EYS: variants seen among roughly 807,000 people sequenced by gnomAD.
EYS encodes the protein EGF-like photoreceptor maintenance factor, also known as protein eyes shut homolog.
EYS carries 250 observed loss-of-function variants against 282.1 expected under a neutral mutation model. The observed-to-expected ratio is 0.89, with a 90% confidence interval of 0.80 to 0.98. The LOEUF is 0.98. Ranked by LOEUF, EYS falls within the 50% of genes least tolerant of loss-of-function variation. The pLI, the probability that EYS is intolerant of heterozygous loss-of-function variation, is 0.00. For missense variants in EYS, 4,016 were observed against 3,709.0 expected (o/e 1.08, Z -2.15); for synonymous variants, 1,355 against 1,282.9 (o/e 1.06, Z -1.20).
In EYS at chr6:64,245,473, C is replaced by A. The variant is rs191641853; in HGVS notation, c.6192-14649G>T. On this transcript the variant is annotated intron_variant, in intron 30 of 42. Transcript: ENST00000503581. Reference sequence around the variant, plus strand: ...GGTATTACAGTTGTGAGCCACTGCACCTGGCTTATACTCCGTTTTTATGGC... The same window carrying A: ...GGTATTACAGTTGTGAGCCACTGCAACTGGCTTATACTCCGTTTTTATGGC... Among the ~76,000 whole-genome samples, 98 of 149,578 alleles carry A rather than the reference C, an allele frequency of 6.6e-4. No individual in the cohort carries two copies. The South Asian group carries it at 0.011, about 16-fold the overall frequency.
intron 33 of EYS, among the ~76,000 whole-genome samples, chr6:64,037,672 A>G (rs992960698): frequency 6.6e-6 from 1 of 152,346 alleles, no homozygotes. Context: ...TTAGTAAACT[A>G]TGAAACAATG....
intron 2 of EYS, among the ~76,000 whole-genome samples, chr6:65,621,993 A>G (rs11967762): frequency 4.6e-4 from 70 of 152,286 alleles, no homozygotes; most frequent in African/African-American, 1.7e-3. Context: ...AAAATAATAA[A>G]ACTAAACAAA....
chr6:64,887,257 A>G (rs1014799828), intron 18 of EYS, among the ~76,000 whole-genome samples: 39 of 128,250 alleles, frequency 3.0e-4, no homozygotes, highest in Admixed American at 3.6e-4. Flanking sequence ...AGGAAGGGGA[A>G]CATCACACAC....
chr6:63,838,797 C>T (rs568763161), intron 36 of EYS, among the ~76,000 whole-genome samples: 1 of 152,256 alleles, frequency 6.6e-6, no homozygotes, highest in East Asian at 1.9e-4. Flanking sequence ...TCTTCTCAGT[C>T]TCCCTTTCTT....
intron 5 of EYS, among the ~76,000 whole-genome samples, chr6:65,438,865 C>T (rs532926021): frequency 2.6e-5 from 4 of 152,242 alleles, no homozygotes; most frequent in South Asian, 2.1e-4. Context: ...TTAATTAGAT[C>T]CCATTTGTCA....
chr6:63,916,855 A>G (rs1764435828), intron 35 of EYS, among the ~76,000 whole-genome samples: 2 of 152,202 alleles, frequency 1.3e-5, no homozygotes, highest in Non-Finnish European at 2.9e-5. Context: ...CGATGGAGAA[A>G]AGCAGCAATG....
chr6:64,222,261 A>G (rs1393194063), intron 31 of EYS, among the ~76,000 whole-genome samples: 3 of 151,682 alleles, frequency 2.0e-5, no homozygotes, highest in Non-Finnish European at 4.4e-5. Flanking sequence ...ATTTACAAGT[A>G]AGGGCATGAT....
chr6:64,201,127 G>C (rs1263072198), intron 31 of EYS, among the ~76,000 whole-genome samples: 1 of 152,060 alleles, frequency 6.6e-6, no homozygotes, highest in African/African-American at 2.4e-5. Flanking sequence ...AGATGAAGGA[G>C]AGTTGACATA....
At chr6:64,050,047 AAGAAAGTCACAGTACTTCTC>A (rs1770756226) in intron 33 of EYS, among the ~76,000 whole-genome samples, 1 of 152,160 alleles carries the variant, frequency 6.6e-6, no homozygotes, top group Admixed American at 6.6e-5. Context: ...TATTAGGGGA[AAGAAAGTCACAGTACTTCTC>A]AGATTTGGTA....
intron 31 of EYS, among the ~76,000 whole-genome samples, chr6:64,120,395 T>A (rs1399922829): frequency 6.7e-6 from 1 of 148,430 alleles, no homozygotes; most frequent in Non-Finnish European, 1.5e-5. Context: ...AAAACTTATA[T>A]CTTTTTAGAT....
intron 31 of EYS, among the ~76,000 whole-genome samples, chr6:64,088,607 C>T (rs1302891166): frequency 6.6e-6 from 1 of 151,860 alleles, no homozygotes; most frequent in Admixed American, 6.6e-5. Flanking sequence ...TTTGAAATAA[C>T]TTATGCTAAA....
chr6:64,106,525 C>T (rs112300898), intron 31 of EYS, among the ~76,000 whole-genome samples: 6,415 of 152,080 alleles, frequency 0.042, 400 homozygotes, highest in African/African-American at 0.14. Context: ...CAATTCTTTG[C>T]TCTTCTATAG....
intron 29 of EYS, among the ~76,000 whole-genome samples, chr6:64,356,330 G>A (rs921379296): frequency 2.0e-5 from 3 of 151,468 alleles, no homozygotes; most frequent in Non-Finnish European, 4.4e-5. Flanking sequence ...ACAGTATTGG[G>A]AAAACTGGCT....
At chr6:65,175,398 A>T (rs1765201400) in intron 12 of EYS, among the ~76,000 whole-genome samples, 1 of 151,402 alleles carries the variant, frequency 6.6e-6, no homozygotes, top group South Asian at 2.1e-4. Context: ...TATCCAAGGT[A>T]AATAATGAAG....
chr6:65,693,611 G>A lies in EYS; in HGVS notation c.-448+13524C>T, dbSNP rs188842627. Among the ~76,000 whole-genome samples the A allele has an allele frequency of 1.3e-3, 189 of 149,874 alleles. 7 individuals carry two copies. The highest frequency in any genetic ancestry group is 3.4e-3 in the Middle Eastern group (1 of 292). The stretch of plus-strand genomic sequence containing the variant: ...GTCACTAGTCTGATATTTAATATTA[G>A]AGAAGTATTAAGATTTGGAAAATTA... On this transcript the variant is annotated intron_variant, in intron 1 of 42. Coordinates refer to ENST00000503581, the MANE Select transcript of EYS (RefSeq NM_001142800.2).
intron 31 of EYS, among the ~76,000 whole-genome samples, chr6:64,207,003 C>A (rs192454401): frequency 6.6e-6 from 1 of 152,136 alleles, no homozygotes; most frequent in East Asian, 1.9e-4. Context: ...GGCCCCAGTG[C>A]GTGTTGTTCT....
intron 12 of EYS, among the ~76,000 whole-genome samples, chr6:65,279,853 C>T (rs1768166863): frequency 6.6e-6 from 1 of 151,958 alleles, no homozygotes; most frequent in Non-Finnish European, 1.5e-5. Context: ...ATTCTTTTCC[C>T]AACATGATTT....
intron 40 of EYS, among the ~76,000 whole-genome samples, chr6:63,764,540 C>A (rs981693267): frequency 1.3e-5 from 2 of 151,814 alleles, no homozygotes; most frequent in Non-Finnish European, 2.9e-5. Context: ...TCTAGTGGTT[C>A]ATTTTATATC....
chr6:65,467,494 T>C (rs1002501793), intron 5 of EYS, among the ~76,000 whole-genome samples: 1 of 148,920 alleles, frequency 6.7e-6, no homozygotes, highest in African/African-American at 2.4e-5. Context: ...CTGATACACA[T>C]GACTATTTAA....
Sources: allele counts gnomAD v4.1 joint callset (sites outside exome capture counted in the v4.1 genomes callset), GRCh38; gene constraint gnomAD v4.1.1; transcripts MANE v1.5; gene names NCBI Gene and HGNC (gene_info 2026-07-23, HGNC 2026-07-21).